The following CLSTN2 variants were observed in gnomAD, a reference collection of about 807,000 sequenced individuals.
CLSTN2 encodes the protein calsyntenin 2, also known as calsyntenin-2.
In CLSTN2, 48 loss-of-function variants were observed where a neutral mutation model predicts 101.2. The observed-to-expected ratio is 0.47, with a 90% confidence interval of 0.38 to 0.60. The LOEUF (loss-of-function observed/expected upper bound fraction) is 0.60, where lower values mean the gene tolerates loss of function less well. Ranked by LOEUF, CLSTN2 falls within the 20% of genes least tolerant of loss-of-function variation. CLSTN2 has a pLI of 0.00. For missense variants in CLSTN2, 1,160 were observed against 1,238.2 expected, an observed-to-expected ratio of 0.94 and a Z score of 0.95; for synonymous variants, 481 against 463.6, an observed-to-expected ratio of 1.04 and a Z score of -0.48.
At chr3:139,975,114 C>A (rs1209371042) in intron 1 of CLSTN2, among the ~76,000 whole-genome samples, 1 of 152,144 alleles carries the variant, frequency 6.6e-6, no homozygotes, top group Non-Finnish European at 1.5e-5. Context: ...TGCCTCCTGG[C>A]TGGTTAGAGA....
rs375287790 is a variant in CLSTN2 at position 139,974,613 on chromosome 3, T to C, written c.109+39130T>C. ...GTTTTACAGCATATGTTGCACTGAGTAAATTGAAATTGGGCAGGAAGGTTT... is the reference window on the plus strand; with the variant it reads ...GTTTTACAGCATATGTTGCACTGAGCAAATTGAAATTGGGCAGGAAGGTTT... On this transcript the variant is annotated intron_variant, in intron 1 of 16. Coordinates refer to ENST00000458420, the MANE Select transcript of CLSTN2 (RefSeq NM_022131.3). Among the ~76,000 whole-genome samples the C allele has an allele frequency of 2.0e-5, 3 of 152,348 alleles. No homozygotes were observed. In the East Asian group the frequency reaches 5.8e-4, roughly 29 times the overall value.
intron 2 of CLSTN2, among the ~76,000 whole-genome samples, chr3:140,374,895 G>A (rs943219059): frequency 5.9e-5 from 9 of 152,222 alleles, no homozygotes; most frequent in Non-Finnish European, 1.0e-4. Context: ...GTTGGTCACA[G>A]ACAACTTTAT....
At chr3:140,415,499 A>AAC (rs2088420782) in intron 4 of CLSTN2, among the ~76,000 whole-genome samples, 1 of 151,164 alleles carries the variant, frequency 6.6e-6, no homozygotes, top group African/African-American at 2.4e-5. Flanking sequence ...AAAAAAAAAA[A>AAC]AAAAAAAAAA....
At chr3:140,557,647 AGAG>A (rs1416394575) in intron 11 of CLSTN2, among the ~76,000 whole-genome samples, 2 of 152,172 alleles carry the variant, frequency 1.3e-5, no homozygotes, top group African/African-American at 4.8e-5. Context: ...CACCCATAGA[AGAG>A]GATGGAGTAG....
At chr3:140,470,667 T>C (rs1404587922) in intron 8 of CLSTN2, among the ~76,000 whole-genome samples, 1 of 152,224 alleles carries the variant, frequency 6.6e-6, no homozygotes, top group Non-Finnish European at 1.5e-5. Context: ...TGGGCCATAA[T>C]TGAAACATCT....
intron 2 of CLSTN2, among the ~76,000 whole-genome samples, chr3:140,213,383 C>A (rs1216440076): frequency 6.6e-6 from 1 of 152,154 alleles, no homozygotes; most frequent in Non-Finnish European, 1.5e-5. Flanking sequence ...TCCTGAGAGT[C>A]CCTGGACAAT....
At chr3:140,046,736 T>C (rs2007889264) in intron 1 of CLSTN2, among the ~76,000 whole-genome samples, 1 of 152,212 alleles carries the variant, frequency 6.6e-6, no homozygotes, top group African/African-American at 2.4e-5. Context: ...CAGCATTTGC[T>C]TGTCTGTAAA....
chr3:140,072,278 A>C (rs1442805212), intron 1 of CLSTN2, among the ~76,000 whole-genome samples: 1 of 152,192 alleles, frequency 6.6e-6, no homozygotes, highest in African/African-American at 2.4e-5. Flanking sequence ...TAATGAATCA[A>C]TTCCATTTGA....
At chr3:140,467,147 G>C (rs1299801227) in intron 8 of CLSTN2, among the ~76,000 whole-genome samples, 1 of 152,184 alleles carries the variant, frequency 6.6e-6, no homozygotes, top group Non-Finnish European at 1.5e-5. Context: ...AGGGACTTGA[G>C]GGCTTTGAAG....
chr3:140,140,525 C>G (rs1355948678), intron 1 of CLSTN2, among the ~76,000 whole-genome samples: 1 of 152,138 alleles, frequency 6.6e-6, no homozygotes, highest in African/African-American at 2.4e-5. Context: ...GACAGCCACT[C>G]CCATGACCCA....
intron 2 of CLSTN2, among the ~76,000 whole-genome samples, chr3:140,311,226 C>T (rs531138140): frequency 7.2e-5 from 10 of 139,502 alleles, no homozygotes; most frequent in Admixed American, 3.8e-4. Flanking sequence ...GCTGTTTGAA[C>T]GAATAGATGA....
chr3:140,473,901 G>GCACC (rs1437912864), intron 8 of CLSTN2, among the ~76,000 whole-genome samples: 1 of 152,042 alleles, frequency 6.6e-6, no homozygotes, highest in Non-Finnish European at 1.5e-5. Context: ...GGGACTACAG[G>GCACC]CACCCGCTAC....
At chr3:140,413,287 A>G (rs941827485) in intron 4 of CLSTN2, among the ~76,000 whole-genome samples, 10 of 152,224 alleles carry the variant, frequency 6.6e-5, no homozygotes, top group African/African-American at 2.4e-4. Flanking sequence ...AACAAATTGT[A>G]TAACCTAGGA....
chr3:140,219,681 A>G (rs2107851896), intron 2 of CLSTN2, among the ~76,000 whole-genome samples: 2 of 152,292 alleles, frequency 1.3e-5, no homozygotes, highest in South Asian at 4.2e-4. Context: ...CTGCAGATTC[A>G]GCTGTGGAAT....
intron 1 of CLSTN2, among the ~76,000 whole-genome samples, chr3:140,162,529 A>T (rs1041682085): frequency 1.3e-5 from 2 of 152,162 alleles, no homozygotes; most frequent in Non-Finnish European, 2.9e-5. Context: ...TGTGGATGCA[A>T]ATAAAAGCAA....
intron 5 of CLSTN2, 96 bp downstream of exon 5, chr3:140,421,370 TA>T (rs112703864): frequency 8.5e-6 from 12 of 1,417,794 alleles, no homozygotes; most frequent in Non-Finnish European, 1.2e-5. Context: ...CATAACTTTT[TA>T]AAGTACAGTC....
chr3:140,418,406 G>T (rs2088454042), intron 4 of CLSTN2, among the ~76,000 whole-genome samples: 1 of 151,646 alleles, frequency 6.6e-6, no homozygotes, highest in African/African-American at 2.4e-5. Flanking sequence ...GACTGACTTT[G>T]TTAACTAAAT....
chr3:140,161,124 A>G (rs2010040264), intron 1 of CLSTN2, among the ~76,000 whole-genome samples: 1 of 152,092 alleles, frequency 6.6e-6, no homozygotes, highest in African/African-American at 2.4e-5. Context: ...AGGGATTGAG[A>G]GACTCCTCCA....
intron 1 of CLSTN2, among the ~76,000 whole-genome samples, chr3:140,075,124 T>C (rs977114186): frequency 2.0e-5 from 3 of 152,236 alleles, no homozygotes; most frequent in African/African-American, 7.2e-5. Context: ...TCAACTTTAT[T>C]AGCTTTTTCA....
Sources: allele counts gnomAD v4.1 joint callset (sites outside exome capture counted in the v4.1 genomes callset), GRCh38; gene constraint gnomAD v4.1.1; transcripts MANE v1.5; gene names NCBI Gene and HGNC (gene_info 2026-07-23, HGNC 2026-07-21).